MCF2L: variants seen among roughly 807,000 people sequenced by gnomAD.
MCF2L encodes MCF.2 cell line derived transforming sequence like.
MCF2L carries 97 observed loss-of-function variants against 153.4 expected under a neutral mutation model. The observed-to-expected ratio is 0.63, with a 90% CI of 0.54 to 0.75. MCF2L has a LOEUF of 0.75. Ranked by LOEUF, MCF2L falls within the 30% of genes least tolerant of loss-of-function variation. The pLI is 0.00. For synonymous variants in MCF2L, 659 were observed against 632.2 expected (o/e 1.04, Z -0.64); for missense variants, 1,347 against 1,495.2 (o/e 0.90, Z 1.64).
chr13:112,963,146 C>A (rs909525564), intron 2 of MCF2L, among the ~76,000 whole-genome samples: 36 of 152,328 alleles, frequency 2.4e-4, no homozygotes, highest in African/African-American at 8.7e-4. Context: ...GCACAGACGT[C>A]CCCTCTGAAA....
At chr13:113,004,980 G>A (rs997736009) in intron 1 of MCF2L, among the ~76,000 whole-genome samples, 1 of 152,218 alleles carries the variant, frequency 6.6e-6, no homozygotes, top group African/African-American at 2.4e-5. Context: ...ACTGTCGTTG[G>A]AGCCAGGAGT....
intron 14 of MCF2L, 22 bp from the exon 15 acceptor site, chr13:113,078,644 C>T (rs1219067180): frequency 4.4e-6 from 7 of 1,607,070 alleles, no homozygotes; most frequent in Non-Finnish European, 6.0e-6. Context: ...CCTTTCAGAC[C>T]TGACGCTGTT....
chr13:113,056,408 C>G (rs2087781906), intron 4 of MCF2L, among the ~76,000 whole-genome samples: 1 of 132,796 alleles, frequency 7.5e-6, no homozygotes. Flanking sequence ...TGTTTTGGCA[C>G]TGAGTGGGTG....
At chr13:112,996,225 C>T (rs1010971454) in intron 1 of MCF2L, among the ~76,000 whole-genome samples, 10 of 152,130 alleles carry the variant, frequency 6.6e-5, no homozygotes, top group African/African-American at 2.4e-4. Context: ...GAGACTAAGG[C>T]GGGAGGACCA....
At chr13:113,057,618 GTGTT>G (rs1292547017) in intron 4 of MCF2L, among the ~76,000 whole-genome samples, 1 of 131,908 alleles carries the variant, frequency 7.6e-6, no homozygotes, top group Non-Finnish European at 1.7e-5. Flanking sequence ...TGAGTGCTGT[GTGTT>G]TGGGTGCTGA....
intron 2 of MCF2L, among the ~76,000 whole-genome samples, chr13:112,923,389 G>A (rs1314173225): frequency 1.4e-5 from 2 of 147,866 alleles, no homozygotes; most frequent in African/African-American, 2.5e-5. Context: ...TCAGCCTCCC[G>A]AGTAGCTGGG....
At chr13:112,958,490 C>T (rs115091551) in intron 2 of MCF2L, among the ~76,000 whole-genome samples, 2,142 of 152,328 alleles carry the variant, frequency 0.014, 50 homozygotes, top group African/African-American at 0.049. Context: ...ACACGACACC[C>T]GCACAGCCCC....
chr13:113,065,828 G>A (rs1486282169), intron 7 of MCF2L, among the ~76,000 whole-genome samples: 1 of 152,182 alleles, frequency 6.6e-6, no homozygotes, highest in Non-Finnish European at 1.5e-5. Flanking sequence ...CCCTGTAATG[G>A]CAGCTCTGCC....
chr13:113,007,916 C>CTTTTT (rs55800416), intron 1 of MCF2L, among the ~76,000 whole-genome samples: 1 of 112,956 alleles, frequency 8.9e-6, no homozygotes, highest in Non-Finnish European at 1.9e-5. Context: ...TTTTCTTTTT[C>CTTTTT]TTTTTTTTTT....
chr13:113,016,572 C>T (rs755360462), intron 2 of MCF2L, among the ~76,000 whole-genome samples: 31 of 152,180 alleles, frequency 2.0e-4, no homozygotes, highest in Admixed American at 6.5e-5. Context: ...GGCTCCTCTC[C>T]CTCCTGGAAT....
At chr13:112,982,285 G>A (rs879089872) in intron 1 of MCF2L, among the ~76,000 whole-genome samples, 4 of 152,330 alleles carry the variant, frequency 2.6e-5, no homozygotes, top group Non-Finnish European at 5.9e-5. Flanking sequence ...ATGTGGTGGC[G>A]TAGGAAGAGC....
rs760618953 is a variant in MCF2L, at chr13:113,001,931, A to G, written c.80-12832A>G. On this transcript the variant is annotated intron_variant, in intron 1 of 29. Transcript: ENST00000535094. ...GCAGCATGACGGTGCGCCGGCTGTC[A>G]CTGCTGTGCCGGGACCTCTGGGCGC... 9.3e-5 allele frequency: 148 copies of G among 1,594,912 alleles called. No individual in the cohort carries two copies. In the Admixed American group the frequency reaches 2.5e-3, roughly 26 times the overall value.
chr13:112,972,360 TGGA>T (rs550923848), intron 1 of MCF2L, among the ~76,000 whole-genome samples: 448 of 20,528 alleles, frequency 0.022, 1 homozygote, highest in African/African-American at 0.044. Context: ...TGTAAGTGGG[TGGA>T]TGGATGGATG....
intron 3 of MCF2L, among the ~76,000 whole-genome samples, chr13:113,034,583 C>T (rs1417897067): frequency 6.7e-6 from 1 of 149,882 alleles, no homozygotes; most frequent in African/African-American, 2.5e-5. Flanking sequence ...CCTTCTCCCT[C>T]GCCCTGGTCT....
At chr13:112,968,850 G>A, upstream of MCF2L, 1 of 1,092,924 alleles carries the variant, frequency 9.1e-7, no homozygotes, top group Non-Finnish European at 1.2e-6. Context: ...GGGCACTTGT[G>A]CGGCACCCGC....
intron 2 of MCF2L, among the ~76,000 whole-genome samples, chr13:112,912,883 TTG>T (rs1156373995): frequency 1.4e-5 from 2 of 142,062 alleles, no homozygotes; most frequent in African/African-American, 5.6e-5. Context: ...CTGTGTGTGA[TTG>T]TGTGTGTGTC....
rs537503547 is a variant in MCF2L, at chr13:112,943,499, G to T, written c.169+41128G>T. 1.3e-5 allele frequency among the ~76,000 whole-genome samples: 2 copies of T among 151,960 alleles called. No homozygotes were observed. Among genetic ancestry groups the T allele is most frequent in the Admixed American group, 6.5e-5 (1 of 15,270 alleles). On this transcript the variant is annotated intron_variant, in intron 2 of 29. Coordinates refer to the MCF2L transcript ENST00000375608. This position sits in a 1 kb window ranked among gnomAD's most constrained non-coding sequence, Gnocchi z 4.2. Reference sequence around the variant, plus strand: ...CGCGGCGGCCCGGGCTTTGAGAGACGGGCCGCTCTTCCCGGCGCGGTGCCT... The same window carrying T: ...CGCGGCGGCCCGGGCTTTGAGAGACTGGCCGCTCTTCCCGGCGCGGTGCCT...
intron 27 of MCF2L, 128 bp downstream of exon 27, chr13:113,094,763 C>A: frequency 8.0e-7 from 1 of 1,255,128 alleles, no homozygotes; most frequent in Non-Finnish European, 1.1e-6. Context: ...CCTGGAAGGT[C>A]CACATGGGCC....
intron 2 of MCF2L, among the ~76,000 whole-genome samples, chr13:112,925,164 A>G (rs2081390015): frequency 6.6e-6 from 1 of 152,200 alleles, no homozygotes; most frequent in African/African-American, 2.4e-5. Flanking sequence ...ATCATGATTC[A>G]AGGGCAAAAT....
Sources: gnomAD v4.1 joint callset for allele counts (sites outside exome capture counted in the v4.1 genomes callset) on GRCh38, gnomAD v4.1.1 for gene constraint, Gnocchi (gnomAD v3.1) non-coding constraint, MANE v1.5 for transcripts, NCBI Gene and HGNC (gene_info 2026-07-23, HGNC 2026-07-21) for gene names.